ZDHHC17: variants seen among roughly 807,000 people sequenced by gnomAD.
ZDHHC17 encodes zDHHC palmitoyltransferase 17, also known as palmitoyltransferase ZDHHC17.
A neutral mutation model predicts 90.3 loss-of-function variants in ZDHHC17; 40 were observed. The observed-to-expected ratio is 0.44, with a 90% CI of 0.34 to 0.58. The LOEUF (loss-of-function observed/expected upper bound fraction) is 0.58. ZDHHC17 is among the 20% of genes least tolerant of loss of function. The pLI, the probability that ZDHHC17 is intolerant of heterozygous loss-of-function variation, is 0.01. For synonymous variants in ZDHHC17, 235 were observed against 252.4 expected (o/e 0.93, Z 0.65); for missense variants, 614 against 780.8 (o/e 0.79, Z 2.55).
At chr12:76,817,075 T>C (rs1170403926) in intron 7 of ZDHHC17, among the ~76,000 whole-genome samples, 1 of 152,038 alleles carries the variant, frequency 6.6e-6, no homozygotes, top group African/African-American at 2.4e-5. Context: ...TAAATGAAGA[T>C]TTATGTAGTC....
chr12:76,850,777 T>G, intron 16 of ZDHHC17, 70 bp from the exon 17 acceptor site: 1 of 1,532,450 alleles, frequency 6.5e-7, no homozygotes, highest in Non-Finnish European at 8.8e-7. Flanking sequence ...AACACGAAAA[T>G]TATATTGAAT....
chr12:76,787,068 A>G (rs886068114), intron 1 of ZDHHC17, among the ~76,000 whole-genome samples: 1 of 152,222 alleles, frequency 6.6e-6, no homozygotes, highest in African/African-American at 2.4e-5. Flanking sequence ...ACCAAAATAA[A>G]ACAACTTAAA....
chr12:76,833,035 C>T (rs1953323488), intron 10 of ZDHHC17, among the ~76,000 whole-genome samples: 1 of 152,114 alleles, frequency 6.6e-6, no homozygotes, highest in African/African-American at 2.4e-5. Flanking sequence ...TGGTTTCCTA[C>T]ATAATCTGAT....
At chr12:76,814,462 G>A (rs570251583) in intron 5 of ZDHHC17, among the ~76,000 whole-genome samples, 7 of 151,916 alleles carry the variant, frequency 4.6e-5, no homozygotes, top group East Asian at 1.9e-4. Context: ...TAGGAAAGGC[G>A]TGCATTTGTG....
intron 1 of ZDHHC17, chr12:76,781,506 C>T: frequency 2.4e-6 from 1 of 415,934 alleles, no homozygotes; most frequent in Non-Finnish European, 4.8e-6. Context: ...GGATTAATGT[C>T]CTTATCAAGA....
At chr12:76,793,208 T>C (rs1289833826) in intron 1 of ZDHHC17, among the ~76,000 whole-genome samples, 3 of 152,216 alleles carry the variant, frequency 2.0e-5, no homozygotes, top group African/African-American at 4.8e-5. Flanking sequence ...TAAAAACAAA[T>C]AATGAAGTGC....
intron 5 of ZDHHC17, among the ~76,000 whole-genome samples, chr12:76,812,875 A>G (rs1441818713): frequency 1.3e-5 from 2 of 152,108 alleles, no homozygotes; most frequent in South Asian, 2.1e-4. Context: ...AAAGGGGAAA[A>G]TGCTAAGTTA....
At chr12:76,821,209 T>C (rs896707355) in intron 7 of ZDHHC17, 1 of 1,142,494 alleles carries the variant, frequency 8.8e-7, no homozygotes, top group Non-Finnish European at 1.1e-6. Flanking sequence ...TTCTGACAAC[T>C]TAGGTGATGG....
rs1195240763 is a variant in ZDHHC17, at chr12:76,777,683, A to G, written c.93+13354A>G. 1.3e-5 allele frequency among the ~76,000 whole-genome samples: 2 copies of G among 152,194 alleles called. 1 individual carries two copies. The highest frequency in any genetic ancestry group is 4.1e-4 in the South Asian group (2 of 4,828). The stretch of plus-strand genomic sequence containing the variant: ...GAGGGAGAGCTGCATCCTCACCAGC[A>G]TTTGGTATTGTCACTTTGTTGTGAT... On this transcript the variant is annotated intron_variant, in intron 1 of 16. Coordinates refer to ENST00000426126, the MANE Select transcript of ZDHHC17 (RefSeq NM_015336.4).
intron 2 of ZDHHC17, 34 bp from the exon 3 acceptor site, chr12:76,805,283 A>G: frequency 6.6e-7 from 1 of 1,525,670 alleles, no homozygotes; most frequent in Non-Finnish European, 8.9e-7. Flanking sequence ...TTCTTGTTAA[A>G]TAATAACAAT....
rs957481110 is a variant in ZDHHC17, at chr12:76,853,029, CTA to C, written c.*2046_*2047del. 5.9e-5 allele frequency: 9 copies of C among 152,252 alleles called. No homozygotes were observed. Among genetic ancestry groups the C allele is most frequent in the Non-Finnish European group, 1.2e-4 (8 of 68,008 alleles). 9.4% of individuals were successfully genotyped at this position (152,252 alleles called of 1,614,324 possible). A position where few individuals can be genotyped will look rare whatever the true frequency, so the allele number is the denominator to read the frequency against. On this transcript the variant is annotated 3_prime_UTR_variant, in exon 17 of 17. Coordinates refer to ENST00000426126, the MANE Select transcript of ZDHHC17 (RefSeq NM_015336.4). Reference sequence around the variant, plus strand: ...ATACATTTTTATCAACAGTTAAAGACTATGGTGGTTTTTTCAGAGTTTGGCTA... The same window carrying C: ...ATACATTTTTATCAACAGTTAAAGACTGGTGGTTTTTTCAGAGTTTGGCTA...
intron 8 of ZDHHC17, among the ~76,000 whole-genome samples, chr12:76,823,511 C>T (rs1953191006): frequency 6.6e-6 from 1 of 152,178 alleles, no homozygotes; most frequent in Non-Finnish European, 1.5e-5. Context: ...CGTAGAGTTT[C>T]TTTATGTACC....
At chr12:76,835,332 T>A (rs1270578749) in intron 10 of ZDHHC17, among the ~76,000 whole-genome samples, 3 of 152,178 alleles carry the variant, frequency 2.0e-5, no homozygotes, top group African/African-American at 7.2e-5. Flanking sequence ...ATTACAGGCA[T>A]GAGCTACCAT....
At chr12:76,809,150 T>TAG in intron 4 of ZDHHC17, 30 bp downstream of exon 4, 2 of 1,487,586 alleles carry the variant, frequency 1.3e-6, no homozygotes, top group Non-Finnish European at 1.8e-6. Context: ...TTTTTTTCCT[T>TAG]TGGTTCCTTT....
chr12:76,848,101 A>G (rs1232186395), intron 14 of ZDHHC17, 132 bp from the exon 15 acceptor site: 8 of 857,058 alleles, frequency 9.3e-6, no homozygotes, highest in Non-Finnish European at 1.4e-5. Context: ...GTATAAAGAC[A>G]TTTGCTATTG....
intron 1 of ZDHHC17, chr12:76,781,664 A>T (rs1183089099): frequency 2.2e-6 from 1 of 455,962 alleles, no homozygotes; most frequent in Non-Finnish European, 4.4e-6. Context: ...TTCACCTTGG[A>T]CTACTCAGCC....
At position 76,809,850 on chromosome 12, in the gene ZDHHC17, A is replaced by G. The variant is rs201869625; in HGVS notation, c.536A>G (p.Lys179Arg). The G allele has an allele frequency of 2.6e-5, 42 of 1,610,092 alleles. No homozygotes were observed. Among genetic ancestry groups the G allele is most frequent in the Non-Finnish European group, 3.4e-5 (40 of 1,177,956 alleles). The change falls in exon 5 of 17, where the codon AAA becomes AGA. Residue 179 changes from lysine (K) to arginine (R), a missense_variant. By Grantham distance (26) the Lys-to-Arg change is conservative (BLOSUM62 2). This residue lies in a region of ZDHHC17 where 358 missense variants were observed against 380.4 expected (regional missense o/e 0.94). Coordinates refer to ENST00000426126, the MANE Select transcript of ZDHHC17 (RefSeq NM_015336.4). The part of the protein sequence containing the change: ...HTSIVAYLIA[K>R]GQDVDMMDQN... ...TCAATTGTTGCTTATCTCATAGCAA[A>G]AGGACAGGTAAAAAAAATCTCAGTG...
chr12:76,793,867 A>T (rs1952788957), intron 1 of ZDHHC17, among the ~76,000 whole-genome samples: 1 of 152,176 alleles, frequency 6.6e-6, no homozygotes, highest in Admixed American at 6.5e-5. Flanking sequence ...TTCCATTAAC[A>T]TCGAGGAAAA....
chr12:76,849,337 A>AAAAAAAAAAC, intron 15 of ZDHHC17, 39 bp from the exon 16 acceptor site: 1 of 1,128,030 alleles, frequency 8.9e-7, no homozygotes, highest in Non-Finnish European at 1.2e-6. Context: ...AAAAAAAAAA[A>AAAAAAAAAAC]AAAACAAGAA....
Sources: allele counts gnomAD v4.1 joint callset (sites outside exome capture counted in the v4.1 genomes callset), GRCh38; gene constraint gnomAD v4.1.1; regional missense constraint gnomAD v4.1.1; transcripts MANE v1.5; gene names NCBI Gene and HGNC (gene_info 2026-07-23, HGNC 2026-07-21).